KCNQ5: variants seen among roughly 807,000 people sequenced by gnomAD.
KCNQ5 encodes the protein potassium voltage-gated channel subfamily Q member 5.
KCNQ5 carries 30 observed loss-of-function variants against 98.2 expected under a neutral mutation model. The ratio of observed to expected loss-of-function variants is 0.31; its 90% CI spans 0.23 to 0.41. KCNQ5 has a LOEUF of 0.41. Ranked by LOEUF, KCNQ5 falls within the 10% of genes least tolerant of loss-of-function variation. The pLI is 1.00. For missense variants in KCNQ5, 835 were observed against 1,182.5 expected (o/e 0.71, Z 4.31); for synonymous variants, 458 against 449.4 (o/e 1.02, Z -0.24).
intron 1 of KCNQ5, among the ~76,000 whole-genome samples, chr6:72,703,023 C>G (rs12204989): frequency 1.3e-5 from 2 of 152,126 alleles, no homozygotes; most frequent in African/African-American, 2.4e-5. Flanking sequence ...CTCTGCGCAG[C>G]CACAAGGCAG....
intron 1 of KCNQ5, among the ~76,000 whole-genome samples, chr6:72,669,726 C>A (rs957045028): frequency 1.3e-5 from 2 of 152,152 alleles, no homozygotes; most frequent in Non-Finnish European, 2.9e-5. Flanking sequence ...GTTATTCCAT[C>A]CCATTTTCTG....
intron 11 of KCNQ5, among the ~76,000 whole-genome samples, chr6:73,189,325 G>A (rs527717398): frequency 6.6e-6 from 1 of 152,284 alleles, no homozygotes; most frequent in South Asian, 2.1e-4. Flanking sequence ...GTTAGAGAAA[G>A]GGAGTAAGAA....
intron 5 of KCNQ5, among the ~76,000 whole-genome samples, chr6:73,098,259 A>G (rs1334545515): frequency 1.3e-5 from 2 of 152,114 alleles, no homozygotes; most frequent in Admixed American, 6.5e-5. Flanking sequence ...AATAAAAAAG[A>G]AGGAAATGCC....
chr6:73,167,877 A>G (rs919084730), intron 10 of KCNQ5, among the ~76,000 whole-genome samples: 4 of 152,196 alleles, frequency 2.6e-5, no homozygotes, highest in Non-Finnish European at 5.9e-5. Context: ...AATCCCATTC[A>G]TGAGGGCTCC....
chr6:72,868,144 G>A (rs1188557570), intron 1 of KCNQ5, among the ~76,000 whole-genome samples: 1 of 152,034 alleles, frequency 6.6e-6, no homozygotes, highest in African/African-American at 2.4e-5. Context: ...AGGTAAATGT[G>A]GGCTGAAATT....
At chr6:72,946,002 C>A (rs1766529025) in intron 1 of KCNQ5, among the ~76,000 whole-genome samples, 1 of 152,102 alleles carries the variant, frequency 6.6e-6, no homozygotes, top group Admixed American at 6.6e-5. Flanking sequence ...GTAACTGTTC[C>A]ACTTTCACTG....
At chr6:73,160,308 G>A (rs1477813417) in intron 10 of KCNQ5, among the ~76,000 whole-genome samples, 3 of 152,166 alleles carry the variant, frequency 2.0e-5, no homozygotes, top group South Asian at 2.1e-4. Context: ...GAGCCACCGC[G>A]CCCGGCCTTC....
At chr6:73,092,665 T>G (rs532731524) in intron 5 of KCNQ5, among the ~76,000 whole-genome samples, 1 of 152,338 alleles carries the variant, frequency 6.6e-6, no homozygotes, top group East Asian at 1.9e-4. Flanking sequence ...TCTATTGAGA[T>G]GATCATGTGA....
intron 1 of KCNQ5, among the ~76,000 whole-genome samples, chr6:72,635,242 C>G (rs2098923374): frequency 6.6e-6 from 1 of 151,908 alleles, no homozygotes; most frequent in African/African-American, 2.4e-5. Flanking sequence ...GTTGCTCAGG[C>G]TGGTTTTGAA....
intron 1 of KCNQ5, chr6:72,987,002 A>C: frequency 1.3e-6 from 1 of 772,796 alleles, no homozygotes. Flanking sequence ...AGAAAACAAA[A>C]ATCCACCAGG....
rs1210556437 is a variant in KCNQ5, at chr6:73,041,893, C to T, written c.490-43C>T. ...GCATAGAGCTTCTTACTGTGGTTTG[C>T]TCCATAATGCTTCTCTCTGATATGT... is the stretch of plus-strand genomic sequence containing the variant. On this transcript the variant is annotated intron_variant, in intron 2 of 13. Coordinates refer to ENST00000370398, the MANE Select transcript of KCNQ5 (RefSeq NM_019842.4). 2.5e-6 allele frequency: 4 copies of T among 1,612,138 alleles called. No homozygotes were observed. In the Admixed American group the frequency reaches 6.7e-5, roughly 27 times the overall value.
chr6:72,894,888 C>A (rs1581971942), intron 1 of KCNQ5, among the ~76,000 whole-genome samples: 1 of 151,986 alleles, frequency 6.6e-6, no homozygotes, highest in Non-Finnish European at 1.5e-5. Flanking sequence ...CATAGCCACA[C>A]AACTATTATG....
intron 11 of KCNQ5, 38 bp from the exon 12 acceptor site, chr6:73,190,535 G>C: frequency 9.0e-7 from 1 of 1,110,636 alleles, no homozygotes; most frequent in Non-Finnish European, 1.2e-6. Flanking sequence ...TATATTAACA[G>C]AGTTATAAAG....
intron 1 of KCNQ5, among the ~76,000 whole-genome samples, chr6:72,930,898 G>T (rs1258249150): frequency 6.6e-6 from 1 of 152,046 alleles, no homozygotes; most frequent in Non-Finnish European, 1.5e-5. Flanking sequence ...AAAGACACTT[G>T]GGAATCAATG....
chr6:72,746,064 C>CAAAAAAAAAAAAAAAAAAA (rs59726566), intron 1 of KCNQ5, among the ~76,000 whole-genome samples: 4 of 80,214 alleles, frequency 5.0e-5, no homozygotes, highest in African/African-American at 1.4e-4. Context: ...ACTCTATTTG[C>CAAAAAAAAAAAAAAAAAAA]AAAAAAAAAA....
At chr6:72,713,798 A>C (rs974089517) in intron 1 of KCNQ5, among the ~76,000 whole-genome samples, 3 of 152,182 alleles carry the variant, frequency 2.0e-5, no homozygotes, top group Non-Finnish European at 4.4e-5. Flanking sequence ...TTTACAGTAG[A>C]GTAAAACTTA....
intron 2 of KCNQ5, among the ~76,000 whole-genome samples, chr6:73,037,512 G>T (rs7764774): frequency 1.3e-5 from 2 of 151,938 alleles, no homozygotes; most frequent in African/African-American, 4.8e-5. Context: ...TTTTAAACCC[G>T]TGGTCCATTT....
At chr6:73,019,774 G>T (rs1770507477) in intron 2 of KCNQ5, among the ~76,000 whole-genome samples, 1 of 152,126 alleles carries the variant, frequency 6.6e-6, no homozygotes, top group Non-Finnish European at 1.5e-5. Context: ...AAATTTTACA[G>T]CTATTACTAT....
intron 5 of KCNQ5, among the ~76,000 whole-genome samples, chr6:73,099,543 C>G (rs564385106): frequency 6.6e-6 from 1 of 152,060 alleles, no homozygotes; most frequent in African/African-American, 2.4e-5. Context: ...TTAGATCAGA[C>G]AGAATAGGTT....
Sources: allele counts gnomAD v4.1 joint callset (sites outside exome capture counted in the v4.1 genomes callset), GRCh38; gene constraint gnomAD v4.1.1; transcripts MANE v1.5; gene names NCBI Gene and HGNC (gene_info 2026-07-23, HGNC 2026-07-21).